Variants in COX10 observed in about 807,000 individuals in gnomAD.
COX10 encodes the protein protoheme IX farnesyltransferase, mitochondrial.
Under a neutral mutation model 37.3 loss-of-function variants are expected in COX10, and 27 were observed. The observed-to-expected ratio is 0.72, with a 90% CI of 0.53 to 1.00. The LOEUF is 1.00. Among genes scored for constraint, COX10 ranks in the 50% least tolerant of loss-of-function variants. COX10 has a pLI of 0.00. For synonymous variants in COX10, 222 were observed against 229.1 expected, an observed-to-expected ratio of 0.97 and a Z score of 0.28; for missense variants, 475 against 563.2, an observed-to-expected ratio of 0.84 and a Z score of 1.59.
At chr17:14,154,009 G>C (rs1274020286) in intron 4 of COX10, among the ~76,000 whole-genome samples, 1 of 152,166 alleles carries the variant, frequency 6.6e-6, no homozygotes, top group Non-Finnish European at 1.5e-5. Context: ...ATTATTCGGA[G>C]TGTAAAAAAT....
Position 14,153,838 on chromosome 17 carries a change from A to G in COX10, c.625-6039A>G, listed in dbSNP as rs146738908. Among the ~76,000 whole-genome samples, 62 of 152,356 alleles carry G rather than the reference A, an allele frequency of 4.1e-4. No individual in the cohort carries two copies. In the East Asian group the frequency reaches 0.012, roughly 28 times the overall value. On this transcript the variant is annotated intron_variant, in intron 4 of 6. Coordinates refer to ENST00000261643, the MANE Select transcript of COX10 (RefSeq NM_001303.4). ...GTAATAGTTAAAAACTATTAGAAATATTCAGATATCCATTAACCAGATATC... is the reference window on the plus strand; with the variant it reads ...GTAATAGTTAAAAACTATTAGAAATGTTCAGATATCCATTAACCAGATATC...
chr17:14,137,106 T>A (rs2142223133), intron 4 of COX10, among the ~76,000 whole-genome samples: 1 of 152,062 alleles, frequency 6.6e-6, no homozygotes, highest in Non-Finnish European at 1.5e-5. Flanking sequence ...CAGGCCTTCT[T>A]CTCACTGTTG....
chr17:14,171,401 C>T (rs572991769), intron 5 of COX10, among the ~76,000 whole-genome samples: 2 of 151,858 alleles, frequency 1.3e-5, no homozygotes, highest in Non-Finnish European at 2.9e-5. Context: ...GGTGCTCGAC[C>T]CTGGAGGTGC....
At chr17:14,174,689 G>A (rs888904115) in intron 5 of COX10, among the ~76,000 whole-genome samples, 1 of 152,000 alleles carries the variant, frequency 6.6e-6, no homozygotes, top group Non-Finnish European at 1.5e-5. Context: ...TTTATTGCTA[G>A]TGTGAATGCA....
chr17:14,207,024 C>T lies in COX10; in HGVS notation c.1143C>T (p.Phe381=). The T allele has an allele frequency of 6.2e-7, 1 of 1,614,096 alleles. No individual in the cohort carries two copies. The highest frequency in any genetic ancestry group is 8.5e-7 in the Non-Finnish European group (1 of 1,179,928). Residue 381 remains phenylalanine (F), a synonymous_variant, in exon 7 of 7, where the codon TTC becomes TTT. Transcript: ENST00000261643. ...APVLDITTWT[F]PIMALPINAY... The stretch of plus-strand genomic sequence containing the variant: ...TGCTGGACATCACCACATGGACCTT[C>T]CCCATCATGGCCCTTCCCATCAATG...
At chr17:14,124,431 A>C (rs1307257060) in intron 4 of COX10, among the ~76,000 whole-genome samples, 1 of 152,168 alleles carries the variant, frequency 6.6e-6, no homozygotes. Context: ...TGAAAAAATC[A>C]AATTCTCTAG....
At chr17:14,110,961 C>T (rs1915995599) in intron 4 of COX10, among the ~76,000 whole-genome samples, 1 of 152,062 alleles carries the variant, frequency 6.6e-6, no homozygotes, top group African/African-American at 2.4e-5. Context: ...ACTGAGCCCC[C>T]AGACACTGAA....
chr17:14,135,803 T>C (rs1338892125), intron 4 of COX10, among the ~76,000 whole-genome samples: 3 of 151,960 alleles, frequency 2.0e-5, no homozygotes, highest in Non-Finnish European at 2.9e-5. Context: ...AATTGAAATC[T>C]TTTTCAAATT....
At chr17:14,157,542 A>G (rs1055665793) in intron 4 of COX10, among the ~76,000 whole-genome samples, 1 of 152,172 alleles carries the variant, frequency 6.6e-6, no homozygotes, top group African/African-American at 2.4e-5. Flanking sequence ...GTTCATCTCT[A>G]TGGGATTGGT....
At chr17:14,188,105 T>A (rs868787913) in intron 5 of COX10, among the ~76,000 whole-genome samples, 2 of 135,560 alleles carry the variant, frequency 1.5e-5, no homozygotes, top group East Asian at 4.0e-4. Context: ...TCTTCTTCTT[T>A]TTTTTTTTTT....
At chr17:14,199,739 C>T (rs936805111) in intron 6 of COX10, among the ~76,000 whole-genome samples, 2 of 152,192 alleles carry the variant, frequency 1.3e-5, no homozygotes, top group Admixed American at 1.3e-4. Flanking sequence ...AAACTGGCCC[C>T]ACATCCTCTT....
intron 4 of COX10, among the ~76,000 whole-genome samples, chr17:14,156,400 T>G (rs1353284006): frequency 6.6e-6 from 1 of 151,862 alleles, no homozygotes; most frequent in East Asian, 1.9e-4. Flanking sequence ...CGGCTAATTT[T>G]TTGTGTTTTT....
At chr17:14,188,248 A>G (rs1049829656) in intron 5 of COX10, among the ~76,000 whole-genome samples, 2 of 148,798 alleles carry the variant, frequency 1.3e-5, no homozygotes, top group Non-Finnish European at 3.0e-5. Flanking sequence ...GCTATAAATT[A>G]CCTTATTGGA....
Position 14,175,094 on chromosome 17 carries a change from G to T in COX10, c.695+15147G>T, listed in dbSNP as rs112035864. Among the ~76,000 whole-genome samples the T allele has an allele frequency of 1.9e-4, 16 of 84,534 alleles. 3 individuals carry two copies. Among genetic ancestry groups the T allele is most frequent in the Admixed American group, 2.9e-4 (2 of 6,940 alleles). The allele number at this position is 84,534 out of a possible 152,430, so 55.5% of individuals were successfully genotyped here. Reference sequence around the variant, plus strand: ...TTACTGGGAAATAGCGGGGGGGGGGGGGGTGGATAGGAGGGAATTGGCTAT... The same window carrying T: ...TTACTGGGAAATAGCGGGGGGGGGGTGGGTGGATAGGAGGGAATTGGCTAT... On this transcript the variant is annotated intron_variant, in intron 5 of 6. Transcript: ENST00000261643.
At chr17:14,201,212 A>G (rs1043588858) in intron 6 of COX10, among the ~76,000 whole-genome samples, 2 of 152,256 alleles carry the variant, frequency 1.3e-5, no homozygotes. Context: ...TCCACAAGGA[A>G]GGTGGGTTCC....
At chr17:14,128,275 A>G (rs1042888156) in intron 4 of COX10, among the ~76,000 whole-genome samples, 44 of 152,034 alleles carry the variant, frequency 2.9e-4, no homozygotes, top group African/African-American at 1.0e-3. Context: ...GAGCATTTGC[A>G]TTTTCAGCAG....
intron 5 of COX10, among the ~76,000 whole-genome samples, chr17:14,189,591 C>T (rs1906139860): frequency 6.6e-6 from 1 of 152,202 alleles, no homozygotes. Context: ...GATGTCTTAT[C>T]CTCCTTAATG....
chr17:14,174,306 T>A (rs1285584559), intron 5 of COX10, among the ~76,000 whole-genome samples: 5 of 151,682 alleles, frequency 3.3e-5, no homozygotes, highest in Admixed American at 6.6e-5. Context: ...CAAAATTTTT[T>A]TAAAAAATTA....
intron 4 of COX10, among the ~76,000 whole-genome samples, chr17:14,127,270 T>C (rs922487568): frequency 3.3e-5 from 5 of 152,186 alleles, no homozygotes; most frequent in African/African-American, 1.2e-4. Flanking sequence ...AGAAGAATAC[T>C]TTTCCTCTGT....
Sources: gnomAD v4.1 joint callset for allele counts (sites outside exome capture counted in the v4.1 genomes callset) on GRCh38, gnomAD v4.1.1 for gene constraint, MANE v1.5 for transcripts, NCBI Gene and HGNC (gene_info 2026-07-23, HGNC 2026-07-21) for gene names.